Variants in CMTM1 observed in about 807,000 individuals in gnomAD.
CMTM1 encodes CKLF-like MARVEL transmembrane domain-containing protein 1.
A neutral mutation model predicts 17.8 loss-of-function variants in CMTM1; 16 were observed. The ratio of observed to expected loss-of-function variants is 0.90; its 90% CI spans 0.61 to 1.37. The LOEUF is 1.37. Among genes scored for constraint, CMTM1 ranks in the 40% most tolerant of loss-of-function variants. CMTM1 has a pLI of 0.00. For missense variants in CMTM1, 354 were observed against 375.6 expected, an observed-to-expected ratio of 0.94 and a Z score of 0.47; for synonymous variants, 169 against 154.6, an observed-to-expected ratio of 1.09 and a Z score of -0.69.
intron 2 of CMTM1, among the ~76,000 whole-genome samples, chr16:66,576,495 T>G (rs940415385): frequency 1.3e-5 from 2 of 152,010 alleles, no homozygotes; most frequent in Non-Finnish European, 2.9e-5. Context: ...ATTCTGGCCA[T>G]GTTTCAGGAA....
At chr16:66,575,829 G>T (rs574109980) in intron 2 of CMTM1, among the ~76,000 whole-genome samples, 1 of 152,216 alleles carries the variant, frequency 6.6e-6, no homozygotes, top group African/African-American at 2.4e-5. Context: ...GTGTTTGGAC[G>T]AGTGTGCCAG....
intron 2 of CMTM1, among the ~76,000 whole-genome samples, chr16:66,570,507 GC>G (rs2013349737): frequency 6.6e-6 from 1 of 152,118 alleles, no homozygotes; most frequent in African/African-American, 2.4e-5. Flanking sequence ...GTAGAAAATT[GC>G]CGTGCATACA....
intron 3 of CMTM1, among the ~76,000 whole-genome samples, chr16:66,578,411 C>G (rs2014524523): frequency 6.6e-6 from 1 of 152,188 alleles, no homozygotes; most frequent in South Asian, 2.1e-4. Flanking sequence ...CTGGCCACAC[C>G]AGATTCCTTA....
intron 2 of CMTM1, among the ~76,000 whole-genome samples, chr16:66,573,683 C>CTTTT (rs954623005): frequency 8.2e-4 from 96 of 117,640 alleles, no homozygotes; most frequent in Admixed American, 1.5e-3. Flanking sequence ...TAACGTTTTT[C>CTTTT]TTTTTTTTTT....
chr16:66,569,979 C>A lies in CMTM1; in HGVS notation c.476C>A (p.Ala159Asp). ...TTAGCTTGTTTCATCATCACCCAAG[C>A]CAATGAGTCATTTATAACAATCACA... ...GALACFIITQANESFITITSL... is the reference protein window; with the variant it reads ...GALACFIITQDNESFITITSL... The change falls in exon 2 of 4, where the codon GCC (alanine) becomes GAC (aspartate). Residue 159 changes from alanine to aspartate, a missense_variant. Physicochemically the swap from Ala to Asp is moderately radical, Grantham distance 126. Transcript: ENST00000379500. 1 of 1,612,676 alleles carries A rather than the reference C, an allele frequency of 6.2e-7. No individual in the cohort carries two copies. The highest frequency in any genetic ancestry group is 1.7e-5 in the Admixed American group (1 of 59,824).
chr16:66,567,159 T>C (rs1043637243), intron 1 of CMTM1: 16 of 649,018 alleles, frequency 2.5e-5, no homozygotes, highest in Middle Eastern at 2.5e-4. Context: ...TTTTTCTTTT[T>C]TTTTTTTTTT....
chr16:66,578,014 T>G (rs1441519439), intron 3 of CMTM1, among the ~76,000 whole-genome samples: 1 of 152,200 alleles, frequency 6.6e-6, no homozygotes, highest in African/African-American at 2.4e-5. Flanking sequence ...GCTCACAGAT[T>G]CACTGGGGCA....
In CMTM1 at chr16:66,567,480, A is replaced by G. The variant is rs1014177305; in HGVS notation, c.432+535A>G. The G allele has an allele frequency of 6.9e-5, 14 of 203,022 alleles. No homozygotes were observed. The East Asian group carries it at 1.8e-3, about 26-fold the overall frequency. 12.6% of individuals were successfully genotyped at this position (203,022 alleles called of 1,614,324 possible). Reference sequence around the variant, plus strand: ...CTTCATCCATGTCCCCGCAAAGGACATGAACTCATCCTTTTTTATGGCTGC... The same window carrying G: ...CTTCATCCATGTCCCCGCAAAGGACGTGAACTCATCCTTTTTTATGGCTGC... On this transcript the variant is annotated intron_variant, in intron 1 of 3. Transcript: ENST00000379500.
chr16:66,576,710 T>C (rs1323017500), intron 2 of CMTM1, among the ~76,000 whole-genome samples: 2 of 152,142 alleles, frequency 1.3e-5, no homozygotes, highest in Non-Finnish European at 2.9e-5. Flanking sequence ...AGTTATGGAA[T>C]AGAATGCAGA....
Position 66,578,960 on chromosome 16 carries a change from T to C in CMTM1, c.820T>C (p.Tyr274His). ...ERKLSPAKDAYPETGPDAPQR... is the reference protein window; with the variant it reads ...ERKLSPAKDAHPETGPDAPQR... ...GAAGCTTTCCCCCGCCAAGGACGCC[T>C]ACCCCGAAACCGGCCCCGACGCCCC... The change falls in exon 4 of 4, where the codon TAC (tyrosine) becomes CAC (histidine). Residue 274 changes from tyrosine to histidine, a missense_variant. Transcript: ENST00000379500. The C allele has an allele frequency of 1.9e-6, 3 of 1,614,024 alleles. No homozygotes were observed. Among genetic ancestry groups the C allele is most frequent in the Non-Finnish European group, 1.7e-6 (2 of 1,180,008 alleles).
chr16:66,569,462 C>A (rs1016216820), intron 1 of CMTM1, among the ~76,000 whole-genome samples: 1 of 152,082 alleles, frequency 6.6e-6, no homozygotes, highest in African/African-American at 2.4e-5. Flanking sequence ...CTCAAGAGAC[C>A]GAACTACATC....
intron 1 of CMTM1, 71 bp from the exon 2 acceptor site, chr16:66,569,865 A>C: frequency 1.7e-6 from 2 of 1,179,396 alleles, no homozygotes; most frequent in Non-Finnish European, 2.4e-6. Flanking sequence ...TGATATAATC[A>C]GATTTACATT....
At position 66,566,788 on chromosome 16, in the gene CMTM1, C is replaced by G. The variant is rs1309370196; in HGVS notation, c.275C>G (p.Pro92Arg). 1 of 1,613,178 alleles carries G rather than the reference C, an allele frequency of 6.2e-7. No homozygotes were observed. Among genetic ancestry groups the G allele is most frequent in the African/African-American group, 1.3e-5 (1 of 74,886 alleles). The change falls in exon 1 of 4, where the codon CCA (proline) becomes CGA (arginine). Residue 92 changes from proline (P) to arginine (R), a missense_variant. Transcript: ENST00000379500. The surrounding 1 kb of genome is among the most constrained non-coding windows in gnomAD (Gnocchi z 4.9). ...TTRPPPKPTL[P>R]PPTPSAHTES... ...CGCCCACCCCCAAAGCCCACACTCC[C>G]ACCCCCCACGCCCTCTGCACACACT... is the stretch of plus-strand genomic sequence containing the variant.
At position 66,579,052 on chromosome 16, in the gene CMTM1, C is replaced by T. The variant is rs1488068512; in HGVS notation, c.*51C>T. ...CACGTGTCTGTCGAATCGCTGCCTCCGAGCCCACCCCCGAGCTCGCATGCT... is the reference window on the plus strand; with the variant it reads ...CACGTGTCTGTCGAATCGCTGCCTCTGAGCCCACCCCCGAGCTCGCATGCT... On this transcript the variant is annotated 3_prime_UTR_variant, in exon 4 of 4. Transcript: ENST00000379500. This position sits in a 1 kb window ranked among gnomAD's most constrained non-coding sequence, Gnocchi z 6.5. 2.5e-6 allele frequency: 4 copies of T among 1,592,110 alleles called. No individual in the cohort carries two copies. Among genetic ancestry groups the T allele is most frequent in the Non-Finnish European group, 3.4e-6 (4 of 1,170,960 alleles).
Position 66,566,526 on chromosome 16 carries a change from C to G in CMTM1, c.13C>G (p.His5Asp). The change falls in exon 1 of 4, where the codon CAC becomes GAC. Residue 5 changes from histidine (H) to aspartate (D), a missense_variant. By Grantham distance (81) the His-to-Asp change is moderately conservative. Coordinates refer to ENST00000379500, the MANE Select transcript of CMTM1 (RefSeq NM_052999.4). The surrounding 1 kb of genome is among the most constrained non-coding windows in gnomAD (Gnocchi z 4.9). ...CTAGGGACCCACCATGGATCCTGAACACGCCAAACCTGAGTCATCCGAGGC... is the reference window on the plus strand; with the variant it reads ...CTAGGGACCCACCATGGATCCTGAAGACGCCAAACCTGAGTCATCCGAGGC... MDPE[H>D]AKPESSEAPS... is the part of the protein sequence containing the mutation. 2 of 1,607,824 alleles carry G rather than the reference C, an allele frequency of 1.2e-6. No individual in the cohort carries two copies. The highest frequency in any genetic ancestry group is 1.7e-6 in the Non-Finnish European group (2 of 1,177,226).
At chr16:66,576,838 A>G (rs1295717406) in intron 2 of CMTM1, among the ~76,000 whole-genome samples, 1 of 152,188 alleles carries the variant, frequency 6.6e-6, no homozygotes, top group East Asian at 1.9e-4. Context: ...CCCTTTAAGG[A>G]AAAAGTTGTT....
chr16:66,570,232 C>T, intron 2 of CMTM1, 138 bp downstream of exon 2: 2 of 686,122 alleles, frequency 2.9e-6, no homozygotes, highest in South Asian at 4.7e-5. Flanking sequence ...GGGTGTTGCC[C>T]TGGTCCAGAA....
chr16:66,568,615 A>G (rs1378841545), intron 1 of CMTM1, among the ~76,000 whole-genome samples: 1 of 152,186 alleles, frequency 6.6e-6, no homozygotes, highest in Non-Finnish European at 1.5e-5. Flanking sequence ...GGCCAGGCGC[A>G]GTGACTCACA....
At chr16:66,567,274 A>C (rs1014208531) in intron 1 of CMTM1, 5 of 403,800 alleles carry the variant, frequency 1.2e-5, no homozygotes, top group Non-Finnish European at 2.3e-5. Context: ...CGTCACCTAC[A>C]TTAGGTATTT....
Sources: gnomAD v4.1 joint callset for allele counts (sites outside exome capture counted in the v4.1 genomes callset) on GRCh38, gnomAD v4.1.1 for gene constraint, Gnocchi (gnomAD v3.1) non-coding constraint, MANE v1.5 for transcripts, NCBI Gene and HGNC (gene_info 2026-07-23, HGNC 2026-07-21) for gene names.